Variants in CTNNA2 observed in about 807,000 individuals in gnomAD.
CTNNA2 encodes catenin alpha 2.
CTNNA2 carries 42 observed loss-of-function variants against 101.0 expected under a neutral mutation model. That is an observed-to-expected ratio of 0.42 (90% CI 0.32 to 0.54). The LOEUF is 0.54. CTNNA2 is among the 20% of genes least tolerant of loss of function. The pLI is 0.14. For synonymous variants in CTNNA2, 450 were observed against 456.4 expected, an observed-to-expected ratio of 0.99 and a Z score of 0.18; for missense variants, 871 against 1,223.1, an observed-to-expected ratio of 0.71 and a Z score of 4.29.
chr2:80,487,387 T>C (rs1457226607), intron 9 of CTNNA2, among the ~76,000 whole-genome samples: 1 of 151,998 alleles, frequency 6.6e-6, no homozygotes, highest in African/African-American at 2.4e-5. Flanking sequence ...TGGGTAGTTA[T>C]AAAGCAAAGA....
chr2:79,830,978 C>T (rs970122571), intron 3 of CTNNA2, among the ~76,000 whole-genome samples: 2 of 152,250 alleles, frequency 1.3e-5, no homozygotes, highest in Non-Finnish European at 2.9e-5. Flanking sequence ...CTAGTGGTAG[C>T]TGGCTTCTCT....
At chr2:79,689,357 G>A (rs1684140882) in intron 2 of CTNNA2, among the ~76,000 whole-genome samples, 1 of 151,920 alleles carries the variant, frequency 6.6e-6, no homozygotes, top group Admixed American at 6.6e-5. Flanking sequence ...ACAAGACTCT[G>A]GGCTTTTATT....
rs547814530 is a variant in CTNNA2, at chr2:80,319,938, A to G, written c.1057-73273A>G. ...GGTAGGAAATGAGGCAAGGTTTTTTATCCAACTATTTTGGGAGCAGATAAG... is the reference window on the plus strand; with the variant it reads ...GGTAGGAAATGAGGCAAGGTTTTTTGTCCAACTATTTTGGGAGCAGATAAG... On this transcript the variant is annotated intron_variant, in intron 7 of 18. Transcript: ENST00000402739. Among the ~76,000 whole-genome samples, 37 of 152,318 alleles carry G rather than the reference A, an allele frequency of 2.4e-4. No homozygotes were observed. In the South Asian group the frequency reaches 7.5e-3, roughly 31 times the overall value.
chr2:80,327,131 A>G (rs1670884759), intron 7 of CTNNA2, among the ~76,000 whole-genome samples: 1 of 152,158 alleles, frequency 6.6e-6, no homozygotes. Flanking sequence ...CTCTGAGTGT[A>G]ACTCTGAGGG....
chr2:80,400,202 A>C (rs1678428406), intron 8 of CTNNA2, among the ~76,000 whole-genome samples: 1 of 152,086 alleles, frequency 6.6e-6, no homozygotes, highest in Non-Finnish European at 1.5e-5. Context: ...CTCCTTGCTG[A>C]GGTTACCTTT....
At chr2:79,774,206 G>A (rs999401538) in intron 3 of CTNNA2, among the ~76,000 whole-genome samples, 3 of 152,164 alleles carry the variant, frequency 2.0e-5, no homozygotes, top group African/African-American at 7.2e-5. Context: ...GAGAGAAGAA[G>A]GCATGAAGAC....
intron 7 of CTNNA2, among the ~76,000 whole-genome samples, chr2:80,080,831 C>A (rs1410710970): frequency 6.6e-6 from 1 of 150,968 alleles, no homozygotes; most frequent in Non-Finnish European, 1.5e-5. Context: ...AAAGTCTAGT[C>A]TCTAGTATAT....
intron 1 of CTNNA2, among the ~76,000 whole-genome samples, chr2:79,573,595 A>G (rs1468656580): frequency 6.6e-6 from 1 of 152,250 alleles, no homozygotes; most frequent in Non-Finnish European, 1.5e-5. Context: ...CACATTTCCA[A>G]TAAATTAAAC....
At chr2:79,817,648 T>A (rs1194584010) in intron 3 of CTNNA2, among the ~76,000 whole-genome samples, 1 of 152,188 alleles carries the variant, frequency 6.6e-6, no homozygotes, top group Non-Finnish European at 1.5e-5. Context: ...TATGAGATGT[T>A]CAATGGGGTC....
chr2:80,607,637 T>G (rs984958370), intron 16 of CTNNA2, among the ~76,000 whole-genome samples: 12 of 151,942 alleles, frequency 7.9e-5, no homozygotes, highest in African/African-American at 2.9e-4. Context: ...GGCAGGTTAT[T>G]ATGTTGCTTA....
chr2:79,405,702 A>G (rs1435905926), intron 4 of CTNNA2, among the ~76,000 whole-genome samples: 1 of 152,014 alleles, frequency 6.6e-6, no homozygotes, highest in Non-Finnish European at 1.5e-5. Context: ...CGATGTTATT[A>G]TATGTGTATA....
intron 4 of CTNNA2, among the ~76,000 whole-genome samples, chr2:79,464,553 C>A (rs1049030932): frequency 1.3e-5 from 2 of 152,172 alleles, no homozygotes; most frequent in Non-Finnish European, 2.9e-5. Context: ...CCTGAGGAAT[C>A]ACCACACTGT....
intron 7 of CTNNA2, among the ~76,000 whole-genome samples, chr2:80,147,766 T>C (rs188828590): frequency 6.6e-6 from 1 of 152,292 alleles, no homozygotes; most frequent in African/African-American, 2.4e-5. Flanking sequence ...TCTCAGCCCC[T>C]ACCTCCCTGC....
chr2:80,106,916 G>T (rs1700924764), intron 7 of CTNNA2, among the ~76,000 whole-genome samples: 1 of 152,180 alleles, frequency 6.6e-6, no homozygotes, highest in East Asian at 1.9e-4. Context: ...GCAGGGAAAA[G>T]TTACTTCTCA....
chr2:79,781,448 T>G (rs778580659), intron 3 of CTNNA2, among the ~76,000 whole-genome samples: 6 of 152,164 alleles, frequency 3.9e-5, no homozygotes, highest in Non-Finnish European at 7.4e-5. Context: ...TTCAGCCTTA[T>G]TTTACCCAGC....
At chr2:80,329,138 G>A (rs1671088517) in intron 7 of CTNNA2, among the ~76,000 whole-genome samples, 1 of 152,170 alleles carries the variant, frequency 6.6e-6, no homozygotes, top group Non-Finnish European at 1.5e-5. Flanking sequence ...CACAAACTCT[G>A]TTTGCCCCTG....
intron 1 of CTNNA2, among the ~76,000 whole-genome samples, chr2:79,612,412 G>GT (rs1678336380): frequency 1.3e-5 from 2 of 152,082 alleles, no homozygotes; most frequent in African/African-American, 4.8e-5. Flanking sequence ...ATGTTTCATT[G>GT]TTAGGTAGAC....
Position 80,119,986 on chromosome 2 carries a change from C to T in CTNNA2, c.1056+210189C>T, listed in dbSNP as rs991774376. 3.4e-4 allele frequency among the ~76,000 whole-genome samples: 52 copies of T among 152,288 alleles called. 1 individual carries two copies. The highest frequency in any genetic ancestry group is 1.2e-3 in the African/African-American group (48 of 41,562). On this transcript the variant is annotated intron_variant, in intron 7 of 18. Transcript: ENST00000402739. ...ATAGCCTTTGGTTTTGACTGAAGTG[C>T]CCATTACCCACAAAAGGTTTGGTCA...
At chr2:80,607,270 T>C (rs1375890204) in intron 16 of CTNNA2, among the ~76,000 whole-genome samples, 1 of 151,824 alleles carries the variant, frequency 6.6e-6, no homozygotes, top group African/African-American at 2.4e-5. Flanking sequence ...AAGTACCAAA[T>C]TGATACAGAA....
Sources: gnomAD v4.1 joint callset for allele counts (sites outside exome capture counted in the v4.1 genomes callset) on GRCh38, gnomAD v4.1.1 for gene constraint, MANE v1.5 for transcripts, NCBI Gene and HGNC (gene_info 2026-07-23, HGNC 2026-07-21) for gene names.